The following ADGRB3 variants were observed in gnomAD, a reference collection of about 807,000 sequenced individuals.
ADGRB3 encodes brain-specific angiogenesis inhibitor 3.
A neutral mutation model predicts 193.4 loss-of-function variants in ADGRB3; 37 were observed. That is an observed-to-expected ratio of 0.19 (90% confidence interval 0.15 to 0.25). ADGRB3 has a LOEUF of 0.25. Among genes scored for constraint, ADGRB3 ranks in the 10% least tolerant of loss-of-function variants. The probability of loss-of-function intolerance (pLI) is 1.00; values close to 1 mark genes in which losing one functional copy is unlikely to be tolerated. For synonymous variants in ADGRB3, 690 were observed against 644.2 expected, an observed-to-expected ratio of 1.07 and a Z score of -1.08; for missense variants, 1,637 against 1,852.9, an observed-to-expected ratio of 0.88 and a Z score of 2.14.
chr6:69,131,461 T>A (rs1473808041), intron 17 of ADGRB3, among the ~76,000 whole-genome samples: 3 of 151,972 alleles, frequency 2.0e-5, no homozygotes, highest in Admixed American at 6.6e-5. Context: ...CTTCTAGTCA[T>A]CCACCTTGAA....
chr6:68,792,962 C>T (rs1767137116), intron 3 of ADGRB3, among the ~76,000 whole-genome samples: 1 of 152,146 alleles, frequency 6.6e-6, no homozygotes, highest in African/African-American at 2.4e-5. Flanking sequence ...TTTTTGATAG[C>T]TACTTCATTT....
At chr6:68,798,589 A>G (rs1582210888) in intron 3 of ADGRB3, among the ~76,000 whole-genome samples, 1 of 152,110 alleles carries the variant, frequency 6.6e-6, no homozygotes, top group Non-Finnish European at 1.5e-5. Context: ...TGTAGGTGAC[A>G]GGTTGATGGG....
At chr6:69,362,917 G>A (rs1171075495) in intron 29 of ADGRB3, among the ~76,000 whole-genome samples, 1 of 151,956 alleles carries the variant, frequency 6.6e-6, no homozygotes, top group Admixed American at 6.6e-5. Flanking sequence ...CAGTAAGTGT[G>A]CATATAATAA....
chr6:68,851,651 C>T lies in ADGRB3; in HGVS notation c.758-78908C>T, dbSNP rs781291261. ...TAAATATCAAAACATCATTATTTAC[C>T]CCATGAATATGTACAAGTCTTATTT... On this transcript the variant is annotated intron_variant, in intron 3 of 31. Coordinates refer to ENST00000370598, the MANE Select transcript of ADGRB3 (RefSeq NM_001704.3). Among the ~76,000 whole-genome samples the T allele has an allele frequency of 5.3e-5, 8 of 151,756 alleles. No homozygotes were observed. The East Asian group carries it at 5.8e-4, about 11-fold the overall frequency.
chr6:69,093,669 G>A (rs1014502069), intron 17 of ADGRB3, among the ~76,000 whole-genome samples: 1 of 151,622 alleles, frequency 6.6e-6, no homozygotes, highest in South Asian at 2.1e-4. Flanking sequence ...GGCAGCCTGG[G>A]TTCGGGGGGA....
At chr6:68,706,033 C>T (rs28395490) in intron 3 of ADGRB3, among the ~76,000 whole-genome samples, 50,613 of 151,834 alleles carry the variant, frequency 0.33, 8,644 homozygotes, top group Middle Eastern at 0.37. Flanking sequence ...AAGTGGGGGG[C>T]ATTCTCTCTA....
intron 17 of ADGRB3, among the ~76,000 whole-genome samples, chr6:69,083,708 C>T (rs766922995): frequency 7.9e-5 from 12 of 151,460 alleles, no homozygotes; most frequent in Non-Finnish European, 8.8e-5. Flanking sequence ...TAGCAAGCAT[C>T]GAAAATGTGT....
At chr6:68,975,109 A>G (rs1768704999) in intron 9 of ADGRB3, 125 bp from the exon 10 acceptor site, 1 of 758,480 alleles carries the variant, frequency 1.3e-6, no homozygotes, top group Non-Finnish European at 2.1e-6. Flanking sequence ...CAAAATATCA[A>G]TTTCATGTGC....
chr6:69,122,791 A>G (rs557260544), intron 17 of ADGRB3, among the ~76,000 whole-genome samples: 1 of 152,266 alleles, frequency 6.6e-6, no homozygotes, highest in African/African-American at 2.4e-5. Flanking sequence ...GGCTTCAAAC[A>G]TATAAAATCA....
At chr6:68,704,674 G>A (rs763711803) in intron 3 of ADGRB3, among the ~76,000 whole-genome samples, 28 of 152,184 alleles carry the variant, frequency 1.8e-4, no homozygotes, top group Non-Finnish European at 3.2e-4. Flanking sequence ...GGAGTCCACA[G>A]GTATGTATAA....
At chr6:68,997,355 G>A (rs543188273) in intron 11 of ADGRB3, among the ~76,000 whole-genome samples, 33 of 151,948 alleles carry the variant, frequency 2.2e-4, no homozygotes, top group African/African-American at 6.8e-4. Flanking sequence ...ATGATATTGT[G>A]AATTAAACCA....
At chr6:68,764,987 G>A (rs1766482074) in intron 3 of ADGRB3, among the ~76,000 whole-genome samples, 1 of 152,162 alleles carries the variant, frequency 6.6e-6, no homozygotes, top group African/African-American at 2.4e-5. Context: ...GGTAACTGCT[G>A]ATATAATGTA....
chr6:68,749,591 G>A (rs1766156351), intron 3 of ADGRB3, among the ~76,000 whole-genome samples: 1 of 151,992 alleles, frequency 6.6e-6, no homozygotes, highest in Admixed American at 6.6e-5. Context: ...TTTTATGTGT[G>A]TGCATCTGTC....
chr6:69,341,696 C>T (rs929185441), intron 26 of ADGRB3, among the ~76,000 whole-genome samples: 1 of 151,978 alleles, frequency 6.6e-6, no homozygotes, highest in African/African-American at 2.4e-5. Context: ...TTATGTTCTC[C>T]AACTATAACT....
intron 13 of ADGRB3, among the ~76,000 whole-genome samples, chr6:69,019,174 A>C (rs1404106278): frequency 3.9e-5 from 6 of 152,120 alleles, no homozygotes; most frequent in Middle Eastern, 3.4e-3. Context: ...AGTGATACAC[A>C]TTGAATTGAT....
chr6:68,845,690 GA>G (rs1369528723), intron 3 of ADGRB3, among the ~76,000 whole-genome samples: 1 of 152,142 alleles, frequency 6.6e-6, no homozygotes, highest in Non-Finnish European at 1.5e-5. Context: ...CACCATGTAA[GA>G]AGTGCCTTTC....
chr6:68,908,514 C>T (rs1157203943), intron 3 of ADGRB3, among the ~76,000 whole-genome samples: 1 of 152,068 alleles, frequency 6.6e-6, no homozygotes, highest in Non-Finnish European at 1.5e-5. Flanking sequence ...CAAAAGCAGC[C>T]TGTAGGTCTT....
chr6:68,949,300 CTGCATT>C (rs1459901947), intron 6 of ADGRB3, among the ~76,000 whole-genome samples: 2 of 152,142 alleles, frequency 1.3e-5, no homozygotes, highest in African/African-American at 4.8e-5. Context: ...ACCCGTCAAG[CTGCATT>C]TGAGAAATGC....
At chr6:69,346,997 G>A (rs904411016) in intron 26 of ADGRB3, among the ~76,000 whole-genome samples, 6 of 152,116 alleles carry the variant, frequency 3.9e-5, no homozygotes, top group Non-Finnish European at 8.8e-5. Context: ...AGAAAATGTG[G>A]CACATACACA....
Sources: allele counts gnomAD v4.1 joint callset (sites outside exome capture counted in the v4.1 genomes callset), GRCh38; gene constraint gnomAD v4.1.1; transcripts MANE v1.5; gene names NCBI Gene and HGNC (gene_info 2026-07-23, HGNC 2026-07-21).